Variants in IL7 observed in about 807,000 individuals in gnomAD.
IL7 encodes the protein interleukin-7.
IL7 carries 3 observed loss-of-function variants against 21.6 expected under a neutral mutation model. That is an observed-to-expected ratio of 0.14 (90% CI 0.06 to 0.36). The LOEUF (loss-of-function observed/expected upper bound fraction) is 0.36. Among genes scored for constraint, IL7 ranks in the 10% least tolerant of loss-of-function variants. The pLI, the probability that IL7 is intolerant of heterozygous loss-of-function variation, is 1.00. For missense variants in IL7, 175 were observed against 200.2 expected (o/e 0.87, Z 0.76); for synonymous variants, 62 against 68.1 (o/e 0.91, Z 0.44).
At chr8:78,778,237 G>A (rs924073669) in intron 2 of IL7, among the ~76,000 whole-genome samples, 1 of 152,050 alleles carries the variant, frequency 6.6e-6, no homozygotes, top group African/African-American at 2.4e-5. Flanking sequence ...ATAAATGCAT[G>A]CAAAATTGCA....
chr8:78,802,649 T>G (rs1032215031), intron 1 of IL7, among the ~76,000 whole-genome samples: 1 of 152,090 alleles, frequency 6.6e-6, no homozygotes, highest in Non-Finnish European at 1.5e-5. Flanking sequence ...GCCAGCCTGG[T>G]CTCGAACTCC....
chr8:78,719,366 G>A (rs184817119), intron 5 of IL7: 1 of 151,750 alleles, frequency 6.6e-6, no homozygotes, highest in East Asian at 1.9e-4. Flanking sequence ...AGATGAGTTG[G>A]TAAGAAATCA....
intron 3 of IL7, among the ~76,000 whole-genome samples, chr8:78,703,747 G>A (rs1477899628): frequency 6.6e-6 from 1 of 152,032 alleles, no homozygotes; most frequent in Non-Finnish European, 1.5e-5. Context: ...TTGCCACTCT[G>A]TGTCTTTTAA....
At chr8:78,703,133 G>A (rs1028932782) in intron 3 of IL7, among the ~76,000 whole-genome samples, 6 of 152,132 alleles carry the variant, frequency 3.9e-5, no homozygotes, top group African/African-American at 1.4e-4. Context: ...CTAACCTCAG[G>A]TCATCTGCCT....
Position 78,803,917 on chromosome 8 carries a change from A to G in IL7, c.10+996T>C, listed in dbSNP as rs534034040. The stretch of plus-strand genomic sequence containing the variant: ...CCCACGAGAGTGGAAAGAAGTCTTG[A>G]TCTAACGGAGTAGCCATCAAAAGAA... On this transcript the variant is annotated intron_variant, in intron 1 of 5. Coordinates refer to ENST00000263851, the MANE Select transcript of IL7 (RefSeq NM_000880.4). Among the ~76,000 whole-genome samples the G allele has an allele frequency of 2.6e-5, 4 of 152,184 alleles. No individual in the cohort carries two copies. The South Asian group carries it at 8.3e-4, about 32-fold the overall frequency.
intron 2 of IL7, among the ~76,000 whole-genome samples, chr8:78,777,400 C>T (rs17505589): frequency 0.073 from 11,133 of 152,028 alleles, 577 homozygotes; most frequent in Middle Eastern, 0.14. Flanking sequence ...TTCACTAGGA[C>T]GGACTTTGTA....
At chr8:78,708,469 G>A (rs1450436424) in intron 3 of IL7, among the ~76,000 whole-genome samples, 8 of 151,816 alleles carry the variant, frequency 5.3e-5, no homozygotes, top group Non-Finnish European at 1.2e-4. Context: ...CTTGAACCCA[G>A]GAGTTTGAGA....
downstream of IL7, among the ~76,000 whole-genome samples, chr8:78,713,853 G>A (rs1811019275): frequency 2.0e-5 from 3 of 152,196 alleles, no homozygotes; most frequent in South Asian, 6.2e-4. Context: ...TTTAAAATGG[G>A]AATAATATCT....
chr8:78,709,161 T>C (rs1430620476), intron 3 of IL7, among the ~76,000 whole-genome samples: 2 of 152,206 alleles, frequency 1.3e-5, no homozygotes, highest in Non-Finnish European at 2.9e-5. Flanking sequence ...TCCTTTTAGT[T>C]ACTATGAAAA....
intron 3 of IL7, among the ~76,000 whole-genome samples, chr8:78,722,091 T>C (rs1024844697): frequency 2.2e-4 from 33 of 152,106 alleles, no homozygotes; most frequent in African/African-American, 7.7e-4. Flanking sequence ...AAAGGATATT[T>C]GGTAAGTTAT....
At chr8:78,688,284 T>C (rs1256599966) in intron 3 of IL7, among the ~76,000 whole-genome samples, 1 of 151,906 alleles carries the variant, frequency 6.6e-6, no homozygotes, top group Non-Finnish European at 1.5e-5. Context: ...TATAAGAGAG[T>C]GAGAGGGTAC....
chr8:78,684,871 A>G (rs981902680), intron 4 of IL7, among the ~76,000 whole-genome samples: 4 of 152,300 alleles, frequency 2.6e-5, no homozygotes, highest in East Asian at 3.9e-4. Flanking sequence ...TTTCAAATAG[A>G]AATATATCCC....
chr8:78,778,800 T>C (rs1158933650), intron 2 of IL7, among the ~76,000 whole-genome samples: 2 of 152,212 alleles, frequency 1.3e-5, no homozygotes, highest in South Asian at 2.1e-4. Flanking sequence ...GGTAATTTAA[T>C]GGGAGTAGCA....
At chr8:78,699,760 G>C (rs567613006) in intron 3 of IL7, among the ~76,000 whole-genome samples, 7 of 152,050 alleles carry the variant, frequency 4.6e-5, no homozygotes, top group African/African-American at 1.7e-4. Context: ...AAGGATAATG[G>C]CCTCCAGCTC....
intron 2 of IL7, chr8:78,761,702 C>G (rs1384621169): frequency 1.9e-6 from 3 of 1,611,774 alleles, no homozygotes; most frequent in East Asian, 4.5e-5. Flanking sequence ...ACAGCTCTCA[C>G]AGATCTCTAG....
At chr8:78,779,803 G>A (rs186984910) in intron 2 of IL7, among the ~76,000 whole-genome samples, 1 of 152,034 alleles carries the variant, frequency 6.6e-6, no homozygotes, top group Non-Finnish European at 1.5e-5. Context: ...AATAATTTCA[G>A]AAAAAATGGT....
intron 2 of IL7, among the ~76,000 whole-genome samples, chr8:78,742,428 A>G (rs1811819225): frequency 6.6e-6 from 1 of 152,206 alleles, no homozygotes; most frequent in South Asian, 2.1e-4. Flanking sequence ...GAAAATCAGA[A>G]GAGAAAAGCC....
chr8:78,800,563 G>A (rs79772370), intron 1 of IL7, among the ~76,000 whole-genome samples: 9,730 of 152,150 alleles, frequency 0.064, 524 homozygotes, highest in East Asian at 0.28. Context: ...GCCTCCTTAA[G>A]TGTCAGAATT....
chr8:78,711,351 C>T (rs1417970902), intron 3 of IL7, among the ~76,000 whole-genome samples: 1 of 151,940 alleles, frequency 6.6e-6, no homozygotes, highest in African/African-American at 2.4e-5. Context: ...GATGGAGAGC[C>T]TTTATAATTT....
Sources: gnomAD v4.1 joint callset for allele counts (sites outside exome capture counted in the v4.1 genomes callset) on GRCh38, gnomAD v4.1.1 for gene constraint, MANE v1.5 for transcripts, NCBI Gene and HGNC (gene_info 2026-07-23, HGNC 2026-07-21) for gene names.